The following ZC3H12C variants were observed in gnomAD, a reference collection of about 807,000 sequenced individuals.
The protein encoded by ZC3H12C is zinc finger CCCH-type containing 12C.
Under a neutral mutation model 76.3 loss-of-function variants are expected in ZC3H12C, and 20 were observed. The ratio of observed to expected loss-of-function variants is 0.26; its 90% confidence interval spans 0.18 to 0.38. ZC3H12C has a LOEUF of 0.38. ZC3H12C is among the 10% of genes least tolerant of loss of function. The pLI is 1.00. For synonymous variants in ZC3H12C, 352 were observed against 399.6 expected, an observed-to-expected ratio of 0.88 and a Z score of 1.42; for missense variants, 874 against 1,086.5, an observed-to-expected ratio of 0.80 and a Z score of 2.75.
At chr11:110,094,861 A>G (rs1861085129) in intron 1 of ZC3H12C, among the ~76,000 whole-genome samples, 1 of 152,230 alleles carries the variant, frequency 6.6e-6, no homozygotes, top group Non-Finnish European at 1.5e-5. Flanking sequence ...CCCATAGTTC[A>G]AAATGTTTTA....
intron 1 of ZC3H12C, among the ~76,000 whole-genome samples, chr11:110,096,110 C>G (rs1343440981): frequency 6.6e-6 from 1 of 152,136 alleles, no homozygotes; most frequent in Non-Finnish European, 1.5e-5. Flanking sequence ...GAAGATTCAA[C>G]AAAACACATG....
intron 1 of ZC3H12C, among the ~76,000 whole-genome samples, chr11:110,127,697 C>T (rs775360578): frequency 2.2e-4 from 34 of 151,704 alleles, no homozygotes; most frequent in Middle Eastern, 3.4e-3. Context: ...GAGATTGAGA[C>T]CAGCCTGGGC....
intron 1 of ZC3H12C, among the ~76,000 whole-genome samples, chr11:110,112,033 G>A (rs536969659): frequency 4.6e-5 from 7 of 152,280 alleles, no homozygotes; most frequent in African/African-American, 1.2e-4. Flanking sequence ...GAGGAAAGGT[G>A]CAGGGATAAG....
chr11:110,156,342 C>G (rs1359727288), intron 3 of ZC3H12C, among the ~76,000 whole-genome samples: 2 of 152,146 alleles, frequency 1.3e-5, no homozygotes, highest in East Asian at 3.8e-4. Flanking sequence ...GCCAATCTTC[C>G]ATTCATTTAT....
chr11:110,102,205 C>G (rs767505223), intron 1 of ZC3H12C, among the ~76,000 whole-genome samples: 28 of 149,928 alleles, frequency 1.9e-4, no homozygotes, highest in Non-Finnish European at 3.0e-4. Flanking sequence ...ATTGATTCCT[C>G]TGATGGATCT....
chr11:110,117,143 C>G (rs1861540758), intron 1 of ZC3H12C, among the ~76,000 whole-genome samples: 1 of 152,120 alleles, frequency 6.6e-6, no homozygotes, highest in South Asian at 2.1e-4. Flanking sequence ...ACTTTTAAAT[C>G]AACAAAATAG....
At chr11:110,125,097 A>T (rs746462) in intron 1 of ZC3H12C, among the ~76,000 whole-genome samples, 10 of 152,306 alleles carry the variant, frequency 6.6e-5, no homozygotes, top group African/African-American at 2.4e-4. Context: ...TGTTGCAACA[A>T]TGATAGCTAC....
At position 110,165,653 on chromosome 11, in the gene ZC3H12C, T is replaced by C. The variant is rs61756698; in HGVS notation, c.2568T>C (p.Ile856=). The C allele has an allele frequency of 5.2e-3, 8,283 of 1,598,892 alleles. 362 individuals carry two copies. In the African/African-American group the frequency reaches 0.098, roughly 19 times the overall value. Reference sequence around the variant, plus strand: ...TCTTCCCCCCTGACCTTGTGAGAATTGTCATGAAAAGGAATCCTCACATGA... The same window carrying C: ...TCTTCCCCCCTGACCTTGTGAGAATCGTCATGAAAAGGAATCCTCACATGA... ...CNIFPPDLVR[I]VMKRNPHMTD... Residue 856 remains isoleucine (I), a synonymous_variant, in exon 6 of 6, where the codon ATT becomes ATC. Coordinates refer to ENST00000278590, the MANE Select transcript of ZC3H12C (RefSeq NM_033390.2).
intron 2 of ZC3H12C, among the ~76,000 whole-genome samples, chr11:110,149,368 G>A (rs539244146): frequency 3.3e-5 from 5 of 152,326 alleles, no homozygotes; most frequent in African/African-American, 9.6e-5. Context: ...AAAGGCAGTT[G>A]CCAATTGTAT....
At chr11:110,119,035 T>A (rs536177704) in intron 1 of ZC3H12C, among the ~76,000 whole-genome samples, 1 of 152,184 alleles carries the variant, frequency 6.6e-6, no homozygotes, top group South Asian at 2.1e-4. Context: ...TCTGGAAGCA[T>A]GCACGTGCAA....
At chr11:110,149,286 C>A (rs904844741) in intron 2 of ZC3H12C, among the ~76,000 whole-genome samples, 3 of 152,206 alleles carry the variant, frequency 2.0e-5, no homozygotes, top group Non-Finnish European at 2.9e-5. Context: ...ACTAACCTGC[C>A]TTTCCCTCGC....
At chr11:110,153,994 A>G (rs533291470) in intron 3 of ZC3H12C, among the ~76,000 whole-genome samples, 1 of 152,304 alleles carries the variant, frequency 6.6e-6, no homozygotes, top group East Asian at 1.9e-4. Flanking sequence ...AAACTGAGGC[A>G]CCCGTGTAAA....
rs1260683249 is a variant in ZC3H12C at position 110,164,646 on chromosome 11, T to G, written c.1561T>G (p.Leu521Val). 6.2e-7 allele frequency: 1 copy of G among 1,614,022 alleles called. No homozygotes were observed. The highest frequency in any genetic ancestry group is 1.7e-5 in the Admixed American group (1 of 60,024). Residue 521 changes from leucine to valine, a missense_variant, in exon 6 of 6, where the codon TTA (leucine) becomes GTA (valine). Leu to Val is a conservative substitution (Grantham distance 32). Coordinates refer to ENST00000278590, the MANE Select transcript of ZC3H12C (RefSeq NM_033390.2). The surrounding 1 kb of genome is among the most constrained non-coding windows in gnomAD (Gnocchi z 5.7). ...ATTGGAAACCAGGTCTGTACCTTCC[T>G]TAGTTAGCATCCCAGCTACTTCTAC... is the stretch of plus-strand genomic sequence containing the variant. Reference protein sequence around the residue: ...NKLETRSVPSLVSIPATSTAK... With the variant: ...NKLETRSVPSVVSIPATSTAK...
Position 110,136,922 on chromosome 11 carries a change from C to A in ZC3H12C, c.281C>A (p.Thr94Lys), listed in dbSNP as rs780281950. Residue 94 changes from threonine to lysine, a missense_variant, in exon 2 of 6, where the codon ACA (threonine) becomes AAA (lysine). Around this residue, in one of 3 missense-constraint regions of ZC3H12C, gnomAD observed 210 missense variants for 227.1 expected, o/e 0.92. Transcript: ENST00000278590. ...AGCTCTGGTGACTCTGAAGAAAACA[C>A]AAATTCTGATCATGAGTCAGAACAA... ...NASSGDSEEN[T>K]NSDHESEQLG... The A allele has an allele frequency of 2.5e-6, 4 of 1,613,752 alleles. No individual in the cohort carries two copies. The Admixed American group carries it at 5.0e-5, about 20-fold the overall frequency.
Position 110,165,503 on chromosome 11 carries a change from G to C in ZC3H12C, c.2418G>C (p.Gln806His), listed in dbSNP as rs755490931. 1 of 1,613,860 alleles carries C rather than the reference G, an allele frequency of 6.2e-7. No individual in the cohort carries two copies. The highest frequency in any genetic ancestry group is 1.7e-5 in the Admixed American group (1 of 59,996). ...PDNSTQPCYE[Q>H]FTFQSLPEQQ... Reference sequence around the variant, plus strand: ...ACTCCACACAGCCGTGTTATGAGCAGTTCACCTTCCAGAGCCTCCCTGAGC... The same window carrying C: ...ACTCCACACAGCCGTGTTATGAGCACTTCACCTTCCAGAGCCTCCCTGAGC... Residue 806 changes from glutamine (Q) to histidine (H), a missense_variant, in exon 6 of 6, where the codon CAG becomes CAC. Physicochemically the swap from Gln to His is conservative, Grantham distance 24. Around this residue, in one of 3 missense-constraint regions of ZC3H12C, gnomAD observed 395 missense variants for 434.4 expected, o/e 0.91. Transcript: ENST00000278590.
chr11:110,136,628 C>A (rs1565259926), intron 1 of ZC3H12C, 35 bp from the exon 2 acceptor site: 1 of 1,582,560 alleles, frequency 6.3e-7, no homozygotes, highest in Non-Finnish European at 8.6e-7. Flanking sequence ...CTAGCCATAA[C>A]TATGAAATTC....
intron 1 of ZC3H12C, among the ~76,000 whole-genome samples, chr11:110,096,403 A>G (rs1331554371): frequency 6.6e-6 from 1 of 152,228 alleles, no homozygotes; most frequent in Non-Finnish European, 1.5e-5. Context: ...AGTAATAGTC[A>G]CGTTTGTACA....
chr11:110,157,928 G>T (rs1297785758), intron 3 of ZC3H12C, among the ~76,000 whole-genome samples: 1 of 152,098 alleles, frequency 6.6e-6, no homozygotes, highest in African/African-American at 2.4e-5. Flanking sequence ...TACCAGGAAG[G>T]TATGTAATAA....
intron 2 of ZC3H12C, among the ~76,000 whole-genome samples, chr11:110,150,208 C>A (rs683593): frequency 0.69 from 104,700 of 151,984 alleles, 36,858 homozygotes; most frequent in South Asian, 0.79. Flanking sequence ...GTGAAAAAAA[C>A]CTTTGGAGAA....
Sources: allele counts gnomAD v4.1 joint callset (sites outside exome capture counted in the v4.1 genomes callset), GRCh38; gene constraint gnomAD v4.1.1; regional missense constraint gnomAD v4.1.1; non-coding constraint Gnocchi (gnomAD v3.1); transcripts MANE v1.5; gene names NCBI Gene and HGNC (gene_info 2026-07-23, HGNC 2026-07-21).